The following RTTN variants were observed in gnomAD, a reference collection of about 807,000 sequenced individuals.
RTTN encodes the protein rotatin.
In RTTN, 182 loss-of-function variants were observed where a neutral mutation model predicts 269.2. The observed-to-expected ratio is 0.68, with a 90% confidence interval of 0.60 to 0.76. The LOEUF (loss-of-function observed/expected upper bound fraction) is 0.76, where lower values mean the gene tolerates loss of function less well. Among genes scored for constraint, RTTN ranks in the 30% least tolerant of loss-of-function variants. The pLI, the probability that RTTN is intolerant of heterozygous loss-of-function variation, is 0.00. For missense variants in RTTN, 2,545 were observed against 2,608.6 expected (o/e 0.98, Z 0.53); for synonymous variants, 1,006 against 963.5 (o/e 1.04, Z -0.82).
chr18:70,073,904 A>T lies in RTTN; in HGVS notation c.4653+2T>A. On this transcript the variant is annotated splice_donor_variant, in intron 34 of 48. Coordinates refer to ENST00000640769, the MANE Select transcript of RTTN (RefSeq NM_173630.4). LOFTEE classifies it high-confidence loss of function. Reference sequence around the variant, plus strand: ...AAGGACTTATGCATTCTTTGCAAGTACCGTTGTTTCTGAGGTGGAGAGAGA... The same window carrying T: ...AAGGACTTATGCATTCTTTGCAAGTTCCGTTGTTTCTGAGGTGGAGAGAGA... 6.2e-7 allele frequency: 1 copy of T among 1,605,746 alleles called. No individual in the cohort carries two copies. The highest frequency in any genetic ancestry group is 8.5e-7 in the Non-Finnish European group (1 of 1,173,014).
chr18:70,158,428 C>T (rs2060740331), intron 14 of RTTN, among the ~76,000 whole-genome samples: 1 of 152,148 alleles, frequency 6.6e-6, no homozygotes, highest in Non-Finnish European at 1.5e-5. Context: ...ACCTGACTTA[C>T]AAGGGGTCCT....
chr18:70,135,183 C>T lies in RTTN; in HGVS notation c.2885+1G>A. The stretch of plus-strand genomic sequence containing the variant: ...AAAACTTATAAATTCTTATATCTCA[C>T]CACATATCCATTCTCGATACTTCAT... On this transcript the variant is annotated splice_donor_variant, in intron 22 of 48. Transcript: ENST00000640769. LOFTEE classifies it high-confidence loss of function. 1.3e-6 allele frequency: 2 copies of T among 1,486,508 alleles called. No individual in the cohort carries two copies. Among genetic ancestry groups the T allele is most frequent in the Non-Finnish European group, 1.8e-6 (2 of 1,101,418 alleles). The allele number at this position is 1,486,508 out of a possible 1,614,324, so 92.1% of individuals were successfully genotyped here.
At chr18:70,145,995 T>G (rs2060381441) in intron 17 of RTTN, among the ~76,000 whole-genome samples, 1 of 152,084 alleles carries the variant, frequency 6.6e-6, no homozygotes, top group African/African-American at 2.4e-5. Flanking sequence ...AAAATAAACA[T>G]CAGAAACAAA....
rs759576579 is a variant in RTTN at position 70,030,952 on chromosome 18, G to A, written c.5571C>T (p.Ile1857=). The A allele has an allele frequency of 6.2e-7, 1 of 1,613,352 alleles. No homozygotes were observed. Among genetic ancestry groups the A allele is most frequent in the East Asian group, 2.2e-5 (1 of 44,836 alleles). ...ATGCATTTGCAGCTACTCTTTTCAG[G>A]ATATCTTTGGAGGATTTCCCTTCAT... ...QCYEGKSSKD[I]LKRVAANALM... The change falls in exon 41 of 49, where the codon ATC becomes ATT. Residue 1857 remains isoleucine (I), a synonymous_variant. Coordinates refer to ENST00000640769, the MANE Select transcript of RTTN (RefSeq NM_173630.4).
At chr18:70,119,577 T>C (rs1219566239) in intron 26 of RTTN, among the ~76,000 whole-genome samples, 1 of 152,142 alleles carries the variant, frequency 6.6e-6, no homozygotes, top group Non-Finnish European at 1.5e-5. Flanking sequence ...GACATCAAGA[T>C]ACAATTCATG....
At chr18:70,154,104 G>T (rs558483015) in intron 14 of RTTN, among the ~76,000 whole-genome samples, 16 of 152,002 alleles carry the variant, frequency 1.1e-4, no homozygotes, top group African/African-American at 3.4e-4. Context: ...ATGACACTTG[G>T]TTATAAAAAC....
Position 70,128,362 on chromosome 18 carries a change from G to C in RTTN, c.3139C>G (p.Gln1047Glu). Residue 1047 changes from glutamine to glutamate, a missense_variant, in exon 24 of 49, where the codon CAA (glutamine) becomes GAA (glutamate). By Grantham distance (29) the Gln-to-Glu change is conservative. Transcript: ENST00000640769. ...LKQMNSETKT[Q>E]EILDALKLST... ...TAAACTAATATAAGAGCTTACTCTT[G>C]CGTTTTAGTTTCAGAGTTCATTTGC... The C allele has an allele frequency of 3.1e-6, 5 of 1,609,840 alleles. No homozygotes were observed. The highest frequency in any genetic ancestry group is 4.2e-6 in the Non-Finnish European group (5 of 1,177,128).
chr18:70,202,125 GATCT>G (rs1225212693), intron 3 of RTTN, 142 bp from the exon 4 acceptor site: 14 of 554,820 alleles, frequency 2.5e-5, no homozygotes, highest in Non-Finnish European at 4.0e-5. Flanking sequence ...TTTTCTGAAT[GATCT>G]ATCTTGCTAA....
intron 34 of RTTN, among the ~76,000 whole-genome samples, chr18:70,067,493 A>T (rs967655511): frequency 6.6e-6 from 1 of 152,202 alleles, no homozygotes; most frequent in Admixed American, 6.5e-5. Flanking sequence ...TTTGCCTACA[A>T]TTTGGCAATG....
At chr18:70,127,892 A>G (rs962783364) in intron 24 of RTTN, 151 bp from the exon 25 acceptor site, 24 of 689,606 alleles carry the variant, frequency 3.5e-5, no homozygotes, top group Non-Finnish European at 4.7e-6. Context: ...AAACTGATAC[A>G]TATCTGTCAA....
chr18:70,168,811 A>G (rs113478675), intron 12 of RTTN, 44 bp downstream of exon 12: 2 of 1,414,618 alleles, frequency 1.4e-6, no homozygotes. Flanking sequence ...AATTTTCAAA[A>G]TATGTCAAAG....
intron 28 of RTTN, among the ~76,000 whole-genome samples, chr18:70,104,023 G>T (rs900397668): frequency 2.0e-5 from 3 of 152,156 alleles, no homozygotes; most frequent in African/African-American, 7.2e-5. Flanking sequence ...TCCTGAATTT[G>T]AATGTTGGCC....
At chr18:70,192,627 G>A (rs2061699190) in intron 8 of RTTN, among the ~76,000 whole-genome samples, 1 of 143,344 alleles carries the variant, frequency 7.0e-6, no homozygotes, top group African/African-American at 2.6e-5. Flanking sequence ...CTATAATCGT[G>A]CCACTGCACT....
intron 10 of RTTN, among the ~76,000 whole-genome samples, chr18:70,180,363 C>G (rs971255649): frequency 3.3e-5 from 5 of 151,886 alleles, no homozygotes; most frequent in Admixed American, 2.6e-4. Context: ...GGAGTGGTGC[C>G]TTGAGCCCAG....
At chr18:70,037,998 TGGTGGCCAAAA>T (rs57002086) in intron 40 of RTTN, among the ~76,000 whole-genome samples, 122,567 of 151,962 alleles carry the variant, frequency 0.81, 53,860 homozygotes, top group East Asian at 1. Flanking sequence ...ACCGTGGTAT[TGGTGGCCAAAA>T]GGAGAGTCTC....
intron 9 of RTTN, among the ~76,000 whole-genome samples, chr18:70,189,492 C>T (rs185538973): frequency 3.3e-4 from 50 of 152,198 alleles, no homozygotes; most frequent in Admixed American, 2.9e-3. Context: ...GTTTATCAAA[C>T]GTTGAAAATG....
At chr18:70,161,865 G>T (rs2060840738) in intron 14 of RTTN, among the ~76,000 whole-genome samples, 1 of 152,086 alleles carries the variant, frequency 6.6e-6, no homozygotes, top group Admixed American at 6.6e-5. Context: ...GGCAAGGTTG[G>T]AGAGAAAAGG....
At chr18:70,168,164 G>A (rs2061042192) in intron 12 of RTTN, among the ~76,000 whole-genome samples, 1 of 151,584 alleles carries the variant, frequency 6.6e-6, no homozygotes, top group African/African-American at 2.4e-5. Flanking sequence ...AGATTCTACT[G>A]TAGGCACCAA....
At chr18:70,168,250 C>G (rs2061044007) in intron 12 of RTTN, among the ~76,000 whole-genome samples, 1 of 152,156 alleles carries the variant, frequency 6.6e-6, no homozygotes, top group Non-Finnish European at 1.5e-5. Flanking sequence ...ATAAACAACT[C>G]TTGTATCAAT....
Sources: gnomAD v4.1 joint callset for allele counts (sites outside exome capture counted in the v4.1 genomes callset) on GRCh38, gnomAD v4.1.1 for gene constraint, MANE v1.5 for transcripts, NCBI Gene and HGNC (gene_info 2026-07-23, HGNC 2026-07-21) for gene names.